The following SLC7A9 variants were observed in gnomAD, a reference collection of about 807,000 sequenced individuals.
SLC7A9 encodes the protein solute carrier family 7 member 9.
SLC7A9 carries 38 observed loss-of-function variants against 54.1 expected under a neutral mutation model. That is an observed-to-expected ratio of 0.70 (90% CI 0.54 to 0.92). The LOEUF (loss-of-function observed/expected upper bound fraction) is 0.92. SLC7A9 is among the 40% of genes least tolerant of loss of function. The probability of loss-of-function intolerance (pLI) is 0.00; values close to 1 mark genes in which losing one functional copy is unlikely to be tolerated. For missense variants in SLC7A9, 537 were observed against 636.1 expected (o/e 0.84, Z 1.68); for synonymous variants, 264 against 258.9 (o/e 1.02, Z -0.19).
chr19:32,855,764 G>A (rs182179708), intron 9 of SLC7A9, among the ~76,000 whole-genome samples: 11 of 151,634 alleles, frequency 7.3e-5, no homozygotes, highest in African/African-American at 1.2e-4. Context: ...AGTACTGCAC[G>A]TACCCCTGTC....
intron 5 of SLC7A9, 86 bp downstream of exon 5, chr19:32,862,375 T>C (rs1968825383): frequency 5.7e-6 from 9 of 1,581,098 alleles, no homozygotes; most frequent in Admixed American, 1.7e-5. Flanking sequence ...TCCTTGGAGA[T>C]GGGCTCGTGG....
chr19:32,858,768 C>CTTTATTTATTTATTTATTTA (rs71176160), intron 8 of SLC7A9, among the ~76,000 whole-genome samples: 2,400 of 148,584 alleles, frequency 0.016, 37 homozygotes, highest in East Asian at 0.053. Context: ...TGGCATAAAT[C>CTTTATTTATTTATTTATTTA]TTTATTTATT....
chr19:32,851,773 A>G (rs1303189454), intron 9 of SLC7A9, among the ~76,000 whole-genome samples: 10 of 152,206 alleles, frequency 6.6e-5, no homozygotes, highest in Non-Finnish European at 1.2e-4. Context: ...AACCAACCCA[A>G]ATGTCCAACA....
intron 5 of SLC7A9, 106 bp downstream of exon 5, chr19:32,862,355 C>T (rs755331440): frequency 5.6e-5 from 86 of 1,540,986 alleles, no homozygotes; most frequent in Non-Finnish European, 7.2e-5. Flanking sequence ...CACCGAGTTC[C>T]TGCCATGCTT....
At chr19:32,837,894 G>A (rs1968010546) in intron 11 of SLC7A9, among the ~76,000 whole-genome samples, 1 of 152,168 alleles carries the variant, frequency 6.6e-6, no homozygotes, top group African/African-American at 2.4e-5. Context: ...ATTTAGAGAT[G>A]CATGGATTCT....
In SLC7A9 at chr19:32,836,637, T is replaced by C. The variant is rs1252888035; in HGVS notation, c.1225-3314A>G. Among the ~76,000 whole-genome samples the C allele has an allele frequency of 3.3e-5, 5 of 152,156 alleles. No homozygotes were observed. The East Asian group carries it at 9.6e-4, about 29-fold the overall frequency. The stretch of plus-strand genomic sequence containing the variant: ...CAAACCTCTAAGATCTATCTTGCTA[T>C]ATTTTAGATCCCCAGTCACTTTTAC... On this transcript the variant is annotated intron_variant, in intron 11 of 12. Transcript: ENST00000023064.
At chr19:32,856,429 C>T (rs1409290117) in intron 9 of SLC7A9, among the ~76,000 whole-genome samples, 2 of 152,070 alleles carry the variant, frequency 1.3e-5, no homozygotes, top group East Asian at 1.9e-4. Flanking sequence ...CTCCTGACCT[C>T]GTGATCTGCC....
chr19:32,854,936 T>TC, intron 9 of SLC7A9, among the ~76,000 whole-genome samples: 1 of 152,190 alleles, frequency 6.6e-6, no homozygotes, highest in African/African-American at 2.4e-5. Flanking sequence ...ATACCTGCAC[T>TC]CCTATGTACC....
At chr19:32,850,996 T>G (rs1968450540) in intron 9 of SLC7A9, among the ~76,000 whole-genome samples, 1 of 152,206 alleles carries the variant, frequency 6.6e-6, no homozygotes, top group Admixed American at 6.5e-5. Context: ...ACTGGATCCC[T>G]TCCTTACACC....
chr19:32,858,621 C>T, intron 8 of SLC7A9, 78 bp from the exon 9 acceptor site: 1 of 1,172,634 alleles, frequency 8.5e-7, no homozygotes, highest in Non-Finnish European at 1.2e-6. Context: ...GCTATTCTGG[C>T]CTCCCAGGGG....
intron 2 of SLC7A9, 103 bp downstream of exon 2, chr19:32,868,345 T>C (rs1969039600): frequency 1.3e-6 from 1 of 786,526 alleles, no homozygotes; most frequent in African/African-American, 1.7e-5. Flanking sequence ...GTACATCTTC[T>C]GCCGTGTCAC....
At chr19:32,832,794 A>T in intron 12 of SLC7A9, 1 of 305,408 alleles carries the variant, frequency 3.3e-6, no homozygotes, top group South Asian at 3.3e-5. Flanking sequence ...CTGTGGTCCC[A>T]GCTACTTGGG....
At chr19:32,866,081 A>C (rs1380296132) in intron 2 of SLC7A9, among the ~76,000 whole-genome samples, 4 of 152,170 alleles carry the variant, frequency 2.6e-5, no homozygotes, top group Admixed American at 6.5e-5. Context: ...CCCCGGCCAG[A>C]TCTCCAGAGC....
At chr19:32,862,414 G>A in intron 5 of SLC7A9, 47 bp downstream of exon 5, 1 of 1,610,088 alleles carries the variant, frequency 6.2e-7, no homozygotes, top group Non-Finnish European at 8.5e-7. Flanking sequence ...CCCAGTGGAA[G>A]GGCGTTTGGT....
chr19:32,858,577 T>C (rs746770408), intron 8 of SLC7A9, 34 bp from the exon 9 acceptor site: 8 of 1,556,304 alleles, frequency 5.1e-6, no homozygotes, highest in African/African-American at 2.7e-5. Flanking sequence ...CCTGAGGGTC[T>C]TTCTTGGCCT....
intron 11 of SLC7A9, among the ~76,000 whole-genome samples, chr19:32,835,187 G>C (rs1271730180): frequency 2.0e-5 from 3 of 152,148 alleles, no homozygotes; most frequent in Admixed American, 2.0e-4. Context: ...GTGTAACTGG[G>C]TTCTGTTTGT....
chr19:32,866,983 G>A (rs963276079), intron 2 of SLC7A9, among the ~76,000 whole-genome samples: 1 of 152,166 alleles, frequency 6.6e-6, no homozygotes, highest in Admixed American at 6.5e-5. Flanking sequence ...TGGGACTGGC[G>A]CAGTGTGCTG....
intron 11 of SLC7A9, among the ~76,000 whole-genome samples, chr19:32,838,796 T>C (rs1257475322): frequency 6.9e-6 from 1 of 145,852 alleles, no homozygotes; most frequent in Admixed American, 6.9e-5. Flanking sequence ...TATACAAATA[T>C]ATACATATAT....
At chr19:32,862,081 C>T (rs754028560) in intron 6 of SLC7A9, 37 bp downstream of exon 6, 13 of 1,418,804 alleles carry the variant, frequency 9.2e-6, no homozygotes, top group African/African-American at 8.4e-5. Context: ...GAGAACCCCA[C>T]CCACCCCCAG....
Sources: allele counts gnomAD v4.1 joint callset (sites outside exome capture counted in the v4.1 genomes callset), GRCh38; gene constraint gnomAD v4.1.1; transcripts MANE v1.5; gene names NCBI Gene and HGNC (gene_info 2026-07-23, HGNC 2026-07-21).